SUPT3H: variants seen among roughly 807,000 people sequenced by gnomAD.
The protein encoded by SUPT3H is transcription initiation protein SPT3 homolog.
A neutral mutation model predicts 44.3 loss-of-function variants in SUPT3H; 44 were observed. That is an observed-to-expected ratio of 0.99 (90% CI 0.78 to 1.28). The LOEUF (loss-of-function observed/expected upper bound fraction) is 1.28, where lower values mean the gene tolerates loss of function less well. SUPT3H is among the 50% of genes most tolerant of loss of function. SUPT3H has a pLI of 0.00. For missense variants in SUPT3H, 380 were observed against 387.1 expected (o/e 0.98, Z 0.15); for synonymous variants, 124 against 125.6 (o/e 0.99, Z 0.09).
chr6:44,817,682 GAAATA>G (rs1176729128), intron 11 of SUPT3H, among the ~76,000 whole-genome samples: 1 of 151,756 alleles, frequency 6.6e-6, no homozygotes. Flanking sequence ...ATTTCTCTGT[GAAATA>G]AAATGAATAA....
chr6:44,869,492 C>CT lies in SUPT3H; in HGVS notation c.913-39636_913-39635insA, dbSNP rs571813957. Among the ~76,000 whole-genome samples, 993 of 152,310 alleles carry CT rather than the reference C, an allele frequency of 6.5e-3. 12 individuals carry two copies. Among genetic ancestry groups the CT allele is most frequent in the African/African-American group, 0.023 (938 of 41,570 alleles). ...ACGATATTGCAACTGTTCTGAAAAT[C>CT]AGCACGTATGTAGGTAATTACTCCT... is the stretch of plus-strand genomic sequence containing the variant. On this transcript the variant is annotated intron_variant, in intron 10 of 10. Coordinates refer to ENST00000371459, the MANE Select transcript of SUPT3H (RefSeq NM_003599.4).
intron 3 of SUPT3H, among the ~76,000 whole-genome samples, chr6:45,087,345 C>A (rs1177613347): frequency 1.3e-5 from 2 of 151,726 alleles, no homozygotes; most frequent in African/African-American, 4.8e-5. Context: ...TTTAAAGGGT[C>A]AATTCACAAG....
At position 45,354,773 on chromosome 6, in the gene SUPT3H, G is replaced by A. The variant is rs116107431; in HGVS notation, c.101+10428C>T. On this transcript the variant is annotated intron_variant, in intron 2 of 10. Transcript: ENST00000371459. ...CCAGTACTTTGGGAGGCTGAGGCAG[G>A]AGGATCGCTTGAGGCTAGGGTTTAT... Among the ~76,000 whole-genome samples the A allele has an allele frequency of 2.7e-3, 408 of 152,214 alleles. 3 individuals carry two copies. The highest frequency in any genetic ancestry group is 0.01 in the Middle Eastern group (3 of 294).
chr6:45,197,202 A>T (rs1032499874), intron 2 of SUPT3H, among the ~76,000 whole-genome samples: 8 of 151,738 alleles, frequency 5.3e-5, no homozygotes, highest in African/African-American at 1.7e-4. Flanking sequence ...TGATGCATCC[A>T]ATAAAATTGT....
intron 4 of SUPT3H, 67 bp from the exon 5 acceptor site, chr6:45,014,958 T>A: frequency 1.1e-6 from 1 of 907,924 alleles, no homozygotes; most frequent in South Asian, 2.6e-5. Context: ...GATTAAAGAC[T>A]ACTATAACCA....
chr6:45,270,529 T>C (rs1314187225), intron 2 of SUPT3H, among the ~76,000 whole-genome samples: 2 of 152,208 alleles, frequency 1.3e-5, no homozygotes, highest in East Asian at 3.8e-4. Flanking sequence ...GCCAACCATG[T>C]AGCACGGGAC....
intron 2 of SUPT3H, among the ~76,000 whole-genome samples, chr6:45,198,708 G>A (rs1355513339): frequency 1.3e-5 from 1 of 75,196 alleles, no homozygotes; most frequent in South Asian, 4.1e-4. Flanking sequence ...TAACATGAGT[G>A]GTTTTTGACT....
chr6:45,177,320 T>C (rs374006750), intron 2 of SUPT3H, among the ~76,000 whole-genome samples: 6 of 151,106 alleles, frequency 4.0e-5, no homozygotes, highest in East Asian at 2.0e-4. Flanking sequence ...AGGGTATCAG[T>C]GATGGAAGAT....
chr6:45,301,647 C>T (rs560913814), intron 2 of SUPT3H, among the ~76,000 whole-genome samples: 1 of 152,206 alleles, frequency 6.6e-6, no homozygotes, highest in East Asian at 1.9e-4. Context: ...TGTATTATTT[C>T]ATATGTATCA....
At chr6:45,045,924 C>G (rs968045774) in intron 3 of SUPT3H, among the ~76,000 whole-genome samples, 3 of 152,058 alleles carry the variant, frequency 2.0e-5, no homozygotes, top group South Asian at 2.1e-4. Context: ...TGGTGAAGTT[C>G]AATGTATCAC....
chr6:45,182,295 G>A (rs1442223015), intron 2 of SUPT3H, among the ~76,000 whole-genome samples: 1 of 152,082 alleles, frequency 6.6e-6, no homozygotes, highest in African/African-American at 2.4e-5. Flanking sequence ...GAGTCTCACT[G>A]TAACCCCCAG....
chr6:45,352,642 G>A (rs1213028994), intron 2 of SUPT3H, among the ~76,000 whole-genome samples: 1 of 152,130 alleles, frequency 6.6e-6, no homozygotes, highest in African/African-American at 2.4e-5. Flanking sequence ...ATTACAAGTA[G>A]AGTACTATGG....
At chr6:45,004,208 T>C (rs896700461) in intron 5 of SUPT3H, among the ~76,000 whole-genome samples, 2 of 151,880 alleles carry the variant, frequency 1.3e-5, no homozygotes, top group African/African-American at 4.8e-5. Flanking sequence ...CTGGTAACAT[T>C]AACGTTAGAA....
chr6:45,225,962 G>A (rs1056485642), intron 2 of SUPT3H, among the ~76,000 whole-genome samples: 6 of 152,058 alleles, frequency 3.9e-5, no homozygotes, highest in Admixed American at 3.9e-4. Flanking sequence ...GACAAAGAGG[G>A]CATAAATTTG....
At chr6:45,079,239 G>A (rs934748106) in intron 3 of SUPT3H, among the ~76,000 whole-genome samples, 1 of 152,138 alleles carries the variant, frequency 6.6e-6, no homozygotes, top group Non-Finnish European at 1.5e-5. Flanking sequence ...GAACCTGGGA[G>A]GCAGAGGTTG....
chr6:45,339,002 T>C (rs907596426), intron 2 of SUPT3H, among the ~76,000 whole-genome samples: 4 of 151,934 alleles, frequency 2.6e-5, no homozygotes, highest in Admixed American at 6.6e-5. Flanking sequence ...CAGGGTGACA[T>C]AAAACATAGA....
At chr6:44,844,264 A>G (rs1287515348) in intron 10 of SUPT3H, among the ~76,000 whole-genome samples, 2 of 152,210 alleles carry the variant, frequency 1.3e-5, no homozygotes, top group Non-Finnish European at 2.9e-5. Context: ...TCACAGACCC[A>G]AACACAAGTA....
intron 3 of SUPT3H, among the ~76,000 whole-genome samples, chr6:45,063,037 A>G (rs1482087407): frequency 6.7e-6 from 1 of 150,274 alleles, no homozygotes; most frequent in Non-Finnish European, 1.5e-5. Context: ...GACAGCAGTA[A>G]CCTCTGCAGA....
intron 10 of SUPT3H, among the ~76,000 whole-genome samples, chr6:44,836,433 T>C (rs1251565581): frequency 1.3e-5 from 2 of 152,056 alleles, no homozygotes; most frequent in Non-Finnish European, 2.9e-5. Flanking sequence ...AAATAAGAGG[T>C]CTTCTCCGGC....
Sources: allele counts gnomAD v4.1 joint callset (sites outside exome capture counted in the v4.1 genomes callset), GRCh38; gene constraint gnomAD v4.1.1; transcripts MANE v1.5; gene names NCBI Gene and HGNC (gene_info 2026-07-23, HGNC 2026-07-21).